Variants in BLOC1S6 observed in about 807,000 individuals in gnomAD.
BLOC1S6 encodes biogenesis of lysosomal organelles complex 1 subunit 6.
Under a neutral mutation model 24.7 loss-of-function variants are expected in BLOC1S6, and 24 were observed. The observed-to-expected ratio is 0.97, with a 90% CI of 0.70 to 1.37. BLOC1S6 has a LOEUF of 1.37. BLOC1S6 is among the 40% of genes most tolerant of loss of function. BLOC1S6 has a pLI of 0.00. For synonymous variants in BLOC1S6, 76 were observed against 72.6 expected (o/e 1.05, Z -0.23); for missense variants, 175 against 196.2 (o/e 0.89, Z 0.64).
chr15:45,606,130 C>G (rs575838340), intron 4 of BLOC1S6, among the ~76,000 whole-genome samples: 32 of 152,104 alleles, frequency 2.1e-4, no homozygotes, highest in Admixed American at 1.7e-3. Flanking sequence ...TTTTTTTCAA[C>G]TGCACTCTGA....
chr15:45,604,212 A>G lies in BLOC1S6; in HGVS notation c.312+1025A>G, dbSNP rs572930980. On this transcript the variant is annotated intron_variant, in intron 3 of 4. Coordinates refer to ENST00000220531, the MANE Select transcript of BLOC1S6 (RefSeq NM_012388.4). ...AGCAAGACCCCATCTCTATTAAGAA[A>G]AAAAGAAGCTGGGTTTACATGACTG... Among the ~76,000 whole-genome samples, 21 of 152,296 alleles carry G rather than the reference A, an allele frequency of 1.4e-4. No homozygotes were observed. The South Asian group carries it at 3.9e-3, about 29-fold the overall frequency.
intron 4 of BLOC1S6, among the ~76,000 whole-genome samples, chr15:45,606,057 C>T (rs1001820522): frequency 2.0e-5 from 3 of 152,142 alleles, no homozygotes; most frequent in Non-Finnish European, 2.9e-5. Context: ...CCTCTGGCCT[C>T]GACCTCCCTA....
rs938733814 is a variant in BLOC1S6 at position 45,596,166 on chromosome 15, G to A, written c.224+3890G>A. ...TCTATTAATAGATGCATTTCTTTGC[G>A]CATGGATATCCAGTTGCTTCAGCAC... On this transcript the variant is annotated intron_variant, in intron 2 of 4. Coordinates refer to ENST00000220531, the MANE Select transcript of BLOC1S6 (RefSeq NM_012388.4). Among the ~76,000 whole-genome samples the A allele has an allele frequency of 5.3e-5, 8 of 151,544 alleles. 1 individual carries two copies. The South Asian group carries it at 6.3e-4, about 12-fold the overall frequency.
rs1160502625 is a variant in BLOC1S6 at position 45,587,532 on chromosome 15, ACTAT to A, written c.82+9_82+12del. 3.8e-6 allele frequency: 6 copies of A among 1,568,034 alleles called. No individual in the cohort carries two copies. Among genetic ancestry groups the A allele is most frequent in the Non-Finnish European group, 5.2e-6 (6 of 1,157,756 alleles). ...GCCGGGGAGCCGACGCCTGGTACGTACTATCGGGTGGGAAGCGCGGCCCGGGCTG... is the reference window on the plus strand; with the variant it reads ...GCCGGGGAGCCGACGCCTGGTACGTACGGGTGGGAAGCGCGGCCCGGGCTG... On this transcript the variant is annotated splice_region_variant and intron_variant, in intron 1 of 4. Transcript: ENST00000220531.
In BLOC1S6 at chr15:45,609,644, G is replaced by A. The variant is rs1000658378; in HGVS notation, c.*3130G>A. 27 of 152,150 alleles carry A rather than the reference G, an allele frequency of 1.8e-4. No individual in the cohort carries two copies. Among genetic ancestry groups the A allele is most frequent in the East Asian group, 5.8e-4 (3 of 5,176 alleles). The allele number at this position is 152,150 out of a possible 1,614,324, so 9.4% of individuals were successfully genotyped here. ...AACAATTATACACCCTCATACATTCGTCTGATTTTGAGCTTGTAAGATGAG... is the reference window on the plus strand; with the variant it reads ...AACAATTATACACCCTCATACATTCATCTGATTTTGAGCTTGTAAGATGAG... On this transcript the variant is annotated 3_prime_UTR_variant, in exon 5 of 5. Transcript: ENST00000220531.
chr15:45,587,488 G>A lies in BLOC1S6; in HGVS notation c.45G>A (p.Arg15=). The A allele has an allele frequency of 6.3e-7, 1 of 1,585,896 alleles. No homozygotes were observed. Among genetic ancestry groups the A allele is most frequent in the Non-Finnish European group, 8.6e-7 (1 of 1,165,828 alleles). ...CGTCTCCGGACGGGGCCCTGACACG[G>A]CCACCCTACTGCCTGGAGGCCGGGG... ...GPSSPDGALT[R]PPYCLEAGEP... Residue 15 remains arginine (R), a synonymous_variant, in exon 1 of 5, where the codon CGG becomes CGA. Transcript: ENST00000220531.
At chr15:45,588,541 C>T (rs1320458768) in intron 1 of BLOC1S6, among the ~76,000 whole-genome samples, 1 of 152,168 alleles carries the variant, frequency 6.6e-6, no homozygotes, top group Non-Finnish European at 1.5e-5. Flanking sequence ...AATTCCATCT[C>T]CTTGTAATTT....
In BLOC1S6 at chr15:45,609,313, C is replaced by A. The variant is rs1204632544; in HGVS notation, c.*2799C>A. ...CTCCAGCCCGTATGACAGAGTGAGA[C>A]CCTGTTTCTAAAAACAAAACAAACA... is the stretch of plus-strand genomic sequence containing the variant. On this transcript the variant is annotated 3_prime_UTR_variant, in exon 5 of 5. Coordinates refer to ENST00000220531, the MANE Select transcript of BLOC1S6 (RefSeq NM_012388.4). 2.6e-5 allele frequency: 4 copies of A among 151,102 alleles called. No homozygotes were observed. Among genetic ancestry groups the A allele is most frequent in the South Asian group, 4.2e-4 (2 of 4,814 alleles). 9.4% of individuals were successfully genotyped at this position (151,102 alleles called of 1,614,324 possible).
chr15:45,588,826 C>G (rs925631431), intron 1 of BLOC1S6, among the ~76,000 whole-genome samples: 1 of 152,218 alleles, frequency 6.6e-6, no homozygotes. Context: ...GTACTGTATT[C>G]CAGCCTTTCC....
intron 2 of BLOC1S6, chr15:45,601,124 ATAAC>A (rs1894255255): frequency 6.5e-6 from 1 of 153,970 alleles, no homozygotes; most frequent in South Asian, 2.0e-4. Flanking sequence ...ATTAACAACA[ATAAC>A]TAATAATAAA....
At position 45,606,705 on chromosome 15, in the gene BLOC1S6, G is replaced by A. The variant is rs1357927812; in HGVS notation, c.*191G>A. On this transcript the variant is annotated 3_prime_UTR_variant, in exon 5 of 5. Transcript: ENST00000220531. ...GTTGCATGGTTTTTGATATTTATAT[G>A]TAAGTTTTTCAAATTTTGCTTAATT... 9.0e-6 allele frequency: 6 copies of A among 666,522 alleles called. No homozygotes were observed. The highest frequency in any genetic ancestry group is 3.5e-5 in the Admixed American group (1 of 28,976). The allele number at this position is 666,522 out of a possible 1,614,324, so 41.3% of individuals were successfully genotyped here. A position where few individuals can be genotyped will look rare whatever the true frequency, so the allele number is the denominator to read the frequency against.
At chr15:45,605,658 C>T (rs549939478) in intron 4 of BLOC1S6, 144 bp downstream of exon 4, 32 of 622,224 alleles carry the variant, frequency 5.1e-5, no homozygotes, top group East Asian at 1.9e-4. Flanking sequence ...GGTGCAATCT[C>T]GGCTCACTGC....
At chr15:45,604,898 T>G (rs768857419) in intron 3 of BLOC1S6, among the ~76,000 whole-genome samples, 5 of 152,220 alleles carry the variant, frequency 3.3e-5, no homozygotes, top group Non-Finnish European at 5.9e-5. Context: ...AGAAGGAAAG[T>G]GTCCTCACAG....
At chr15:45,602,416 A>T in intron 2 of BLOC1S6, 2 of 636,756 alleles carry the variant, frequency 3.1e-6, no homozygotes, top group South Asian at 1.7e-5. Context: ...TGTGATCCTA[A>T]CATTGATTGA....
At chr15:45,587,608 T>G (rs1479325654) in intron 1 of BLOC1S6, 83 bp downstream of exon 1, 1 of 1,376,504 alleles carries the variant, frequency 7.3e-7, no homozygotes, top group East Asian at 2.5e-5. Context: ...GGAGAAACCC[T>G]GGGGGAGTAA....
chr15:45,606,227 A>T (rs1894453465), intron 4 of BLOC1S6, among the ~76,000 whole-genome samples, 168 bp from the exon 5 acceptor site: 1 of 152,162 alleles, frequency 6.6e-6, no homozygotes, highest in Admixed American at 6.5e-5. Flanking sequence ...AGAGCAACAA[A>T]TTTTTTTGAA....
intron 2 of BLOC1S6, chr15:45,602,524 C>G: frequency 2.0e-6 from 1 of 503,094 alleles, no homozygotes; most frequent in East Asian, 3.1e-5. Flanking sequence ...GTCTGATCTT[C>G]TCACTTTGTA....
rs1894493405 is a variant in BLOC1S6, at chr15:45,607,053, G to A, written c.*539G>A. 1 of 152,720 alleles carries A rather than the reference G, an allele frequency of 6.5e-6. No homozygotes were observed. Among genetic ancestry groups the A allele is most frequent in the African/African-American group, 2.4e-5 (1 of 41,438 alleles). 9.5% of individuals were successfully genotyped at this position (152,720 alleles called of 1,614,324 possible). ...CTATAGCTTTTTGGTGAGAGGAAGT[G>A]ATACTCTTTATTACAAGAAACAAGG... is the stretch of plus-strand genomic sequence containing the variant. On this transcript the variant is annotated 3_prime_UTR_variant, in exon 5 of 5. Transcript: ENST00000220531.
chr15:45,596,689 T>C (rs550257178), intron 2 of BLOC1S6, among the ~76,000 whole-genome samples: 1 of 147,362 alleles, frequency 6.8e-6, no homozygotes, highest in Non-Finnish European at 1.5e-5. Context: ...TCATTGTTTG[T>C]TTTTTTTTTG....
Sources: allele counts gnomAD v4.1 joint callset (sites outside exome capture counted in the v4.1 genomes callset), GRCh38; gene constraint gnomAD v4.1.1; transcripts MANE v1.5; gene names NCBI Gene and HGNC (gene_info 2026-07-23, HGNC 2026-07-21).